ZNF385D: variants seen among roughly 807,000 people sequenced by gnomAD.
ZNF385D encodes zinc finger protein 385D.
In ZNF385D, 15 loss-of-function variants were observed where a neutral mutation model predicts 35.8. The observed-to-expected ratio is 0.42, with a 90% CI of 0.28 to 0.64. The LOEUF (loss-of-function observed/expected upper bound fraction) is 0.64. Among genes scored for constraint, ZNF385D ranks in the 30% least tolerant of loss-of-function variants. The pLI is 0.23. For synonymous variants in ZNF385D, 212 were observed against 186.8 expected (o/e 1.13, Z -1.10); for missense variants, 474 against 494.6 (o/e 0.96, Z 0.39).
At chr3:21,714,135 G>A (rs1393388074) in intron 1 of ZNF385D, among the ~76,000 whole-genome samples, 1 of 152,132 alleles carries the variant, frequency 6.6e-6, no homozygotes, top group Admixed American at 6.5e-5. Flanking sequence ...AGCTGATTTG[G>A]TGAGAGAAGA....
chr3:21,567,247 A>AAATT (rs755425187), intron 2 of ZNF385D, among the ~76,000 whole-genome samples: 5 of 152,216 alleles, frequency 3.3e-5, no homozygotes, highest in Admixed American at 2.0e-4. Context: ...ACTTAATTTA[A>AAATT]AATTACAGTA....
chr3:22,306,597 C>G (rs1015499623), intron 2 of ZNF385D, among the ~76,000 whole-genome samples: 1 of 152,172 alleles, frequency 6.6e-6, no homozygotes, highest in Non-Finnish European at 1.5e-5. Flanking sequence ...TAAGGCTGAC[C>G]AGGAAGAAGT....
At chr3:22,094,385 G>GATATATATATATATAT (rs140274686) in intron 3 of ZNF385D, among the ~76,000 whole-genome samples, 76 of 70,810 alleles carry the variant, frequency 1.1e-3, no homozygotes, top group African/African-American at 2.9e-3. Context: ...ATTTATTGTT[G>GATATATATATATATAT]ATATATATAT....
chr3:22,053,201 A>T lies in ZNF385D; in HGVS notation c.325+115616T>A, dbSNP rs1228226397. ...GCCAGGTGTGGGATATAGTCTCACA[A>T]TTAAAAGAACTAGAAAAGCAAGAGC... is the stretch of plus-strand genomic sequence containing the variant. On this transcript the variant is annotated intron_variant, in intron 3 of 5. Transcript: ENST00000494108. Among the ~76,000 whole-genome samples, 5 of 90,174 alleles carry T rather than the reference A, an allele frequency of 5.5e-5. 2 individuals carry two copies. The highest frequency in any genetic ancestry group is 2.5e-4 in the Admixed American group (2 of 7,944). The allele number at this position is 90,174 out of a possible 152,430, so 59.2% of individuals were successfully genotyped here.
intron 4 of ZNF385D, among the ~76,000 whole-genome samples, chr3:21,466,201 C>G (rs1703506007): frequency 6.6e-6 from 1 of 152,120 alleles, no homozygotes; most frequent in Non-Finnish European, 1.5e-5. Flanking sequence ...TTCATTTTCT[C>G]AACATTTTGT....
In ZNF385D at chr3:22,121,636, C is replaced by A. The variant is rs532162164; in HGVS notation, c.325+47181G>T. Among the ~76,000 whole-genome samples the A allele has an allele frequency of 3.3e-5, 5 of 150,710 alleles. No homozygotes were observed. In the East Asian group the frequency reaches 7.8e-4, roughly 24 times the overall value. On this transcript the variant is annotated intron_variant, in intron 3 of 5. Coordinates refer to the ZNF385D transcript ENST00000494108. ...ACCTACTGGTCCTCATGTTCCTGGGCTTGCAAAACTTAGGGGAAGTTGTTG... is the reference window on the plus strand; with the variant it reads ...ACCTACTGGTCCTCATGTTCCTGGGATTGCAAAACTTAGGGGAAGTTGTTG...
At chr3:21,554,756 C>G (rs933584307) in intron 3 of ZNF385D, among the ~76,000 whole-genome samples, 2 of 152,146 alleles carry the variant, frequency 1.3e-5, no homozygotes, top group Non-Finnish European at 2.9e-5. Context: ...TCAGCACTTG[C>G]AGCTTCACCG....
At chr3:22,181,554 C>T (rs1309573217) in intron 2 of ZNF385D, among the ~76,000 whole-genome samples, 1 of 151,988 alleles carries the variant, frequency 6.6e-6, no homozygotes, top group Non-Finnish European at 1.5e-5. Context: ...CAAAATTAGC[C>T]GGTCGCAGTG....
intron 3 of ZNF385D, among the ~76,000 whole-genome samples, chr3:21,848,962 T>C (rs897382346): frequency 9.2e-5 from 14 of 152,112 alleles, no homozygotes; most frequent in African/African-American, 3.1e-4. Flanking sequence ...TTATCTTCTA[T>C]TAAATTTTCA....
intron 2 of ZNF385D, among the ~76,000 whole-genome samples, chr3:22,233,769 C>T (rs1699027349): frequency 6.6e-6 from 1 of 152,060 alleles, no homozygotes; most frequent in South Asian, 2.1e-4. Flanking sequence ...TAATTACCCA[C>T]CTACTTATTT....
At chr3:22,102,009 T>A (rs1331665205) in intron 3 of ZNF385D, among the ~76,000 whole-genome samples, 1 of 151,326 alleles carries the variant, frequency 6.6e-6, no homozygotes, top group Non-Finnish European at 1.5e-5. Context: ...CACATCAGGT[T>A]TTTTTCATGA....
intron 3 of ZNF385D, among the ~76,000 whole-genome samples, chr3:21,759,125 C>T (rs2070487197): frequency 2.0e-5 from 3 of 150,606 alleles, no homozygotes; most frequent in African/African-American, 7.3e-5. Context: ...AAAAATATAA[C>T]TAAAAACAAA....
chr3:21,791,481 G>C (rs2071923954), intron 3 of ZNF385D, among the ~76,000 whole-genome samples: 1 of 152,126 alleles, frequency 6.6e-6, no homozygotes, highest in Non-Finnish European at 1.5e-5. Context: ...AGGATTTAAG[G>C]AGGAACTCCT....
At chr3:21,722,122 T>TA (rs1206799013) in intron 1 of ZNF385D, among the ~76,000 whole-genome samples, 17 of 139,900 alleles carry the variant, frequency 1.2e-4, no homozygotes, top group African/African-American at 4.2e-4. Context: ...AAAAAAGAGG[T>TA]ATTTGCAAAC....
At chr3:21,533,933 T>A (rs1246162782) in intron 3 of ZNF385D, among the ~76,000 whole-genome samples, 1 of 152,078 alleles carries the variant, frequency 6.6e-6, no homozygotes, top group Non-Finnish European at 1.5e-5. Context: ...CTAATTTGTG[T>A]TTTAGAAAGA....
chr3:22,099,757 G>A (rs1701828794), intron 3 of ZNF385D, among the ~76,000 whole-genome samples: 1 of 151,914 alleles, frequency 6.6e-6, no homozygotes, highest in African/African-American at 2.4e-5. Context: ...AGCAAGGGTG[G>A]GTACATCCTG....
chr3:22,146,240 C>T (rs1006619768), intron 3 of ZNF385D, among the ~76,000 whole-genome samples: 3 of 152,132 alleles, frequency 2.0e-5, no homozygotes, highest in Admixed American at 2.0e-4. Flanking sequence ...TACATTGTTT[C>T]ACCAAACAGA....
chr3:22,007,094 G>A (rs1368086437), intron 3 of ZNF385D, among the ~76,000 whole-genome samples: 8 of 151,442 alleles, frequency 5.3e-5, no homozygotes, highest in Admixed American at 1.3e-4. Flanking sequence ...CTGTTCATAT[G>A]TTTCAAAAAA....
intron 2 of ZNF385D, among the ~76,000 whole-genome samples, chr3:22,205,985 C>A (rs1045693073): frequency 1.3e-5 from 2 of 151,742 alleles, no homozygotes; most frequent in African/African-American, 4.8e-5. Context: ...TCAAAAAGAC[C>A]CAACTCAAAT....
Sources: allele counts gnomAD v4.1 joint callset (sites outside exome capture counted in the v4.1 genomes callset), GRCh38; gene constraint gnomAD v4.1.1; transcripts MANE v1.5; gene names NCBI Gene and HGNC (gene_info 2026-07-23, HGNC 2026-07-21).